Variants in DENND1B observed in about 807,000 individuals in gnomAD.
The protein encoded by DENND1B is DENN domain-containing protein 1B.
A neutral mutation model predicts 90.1 loss-of-function variants in DENND1B; 59 were observed. The observed-to-expected ratio is 0.65, with a 90% CI of 0.53 to 0.81. The LOEUF is 0.81. Among genes scored for constraint, DENND1B ranks in the 40% least tolerant of loss-of-function variants. The pLI is 0.00. For synonymous variants in DENND1B, 337 were observed against 324.6 expected (o/e 1.04, Z -0.41); for missense variants, 862 against 912.6 (o/e 0.94, Z 0.71).
chr1:197,534,159 A>G (rs1669712482), intron 20 of DENND1B, among the ~76,000 whole-genome samples: 1 of 152,090 alleles, frequency 6.6e-6, no homozygotes, highest in Non-Finnish European at 1.5e-5. Context: ...CTTTTAAAAG[A>G]ATTTGGATAC....
intron 2 of DENND1B, among the ~76,000 whole-genome samples, chr1:197,718,804 A>G (rs890733303): frequency 5.3e-5 from 8 of 152,142 alleles, no homozygotes; most frequent in African/African-American, 1.7e-4. Context: ...AATACCTTTT[A>G]GAAACTGAAA....
intron 1 of DENND1B, among the ~76,000 whole-genome samples, chr1:197,773,344 T>G (rs1656858914): frequency 6.6e-6 from 1 of 152,236 alleles, no homozygotes; most frequent in Admixed American, 6.5e-5. Context: ...CATTATACCC[T>G]GCCAACAGAG....
intron 20 of DENND1B, among the ~76,000 whole-genome samples, chr1:197,523,934 C>A (rs1668957069): frequency 8.2e-6 from 1 of 122,410 alleles, no homozygotes; most frequent in South Asian, 3.2e-4. Context: ...GGAACGATAG[C>A]AGAGAAATGG....
chr1:197,644,237 A>G (rs967711915), intron 9 of DENND1B, among the ~76,000 whole-genome samples: 12 of 152,346 alleles, frequency 7.9e-5, no homozygotes, highest in African/African-American at 2.9e-4. Flanking sequence ...ATTTCTCAGC[A>G]TAGAGTGCTG....
chr1:197,600,981 C>T (rs755185143), intron 13 of DENND1B, among the ~76,000 whole-genome samples: 10 of 151,562 alleles, frequency 6.6e-5, no homozygotes, highest in Non-Finnish European at 1.2e-4. Context: ...CAGAGACACA[C>T]ATGGTTTTTT....
At chr1:197,645,103 A>G (rs1213880338) in intron 9 of DENND1B, among the ~76,000 whole-genome samples, 1 of 152,128 alleles carries the variant, frequency 6.6e-6, no homozygotes, top group Non-Finnish European at 1.5e-5. Context: ...TAGTTCTAGT[A>G]TGGCTAGAAT....
chr1:197,539,308 A>T (rs751461539), intron 20 of DENND1B, among the ~76,000 whole-genome samples: 2 of 152,196 alleles, frequency 1.3e-5, no homozygotes, highest in Non-Finnish European at 2.9e-5. Flanking sequence ...GTAATTTTGT[A>T]GCTACAGTCC....
At chr1:197,581,389 C>A (rs1001424099) in intron 15 of DENND1B, among the ~76,000 whole-genome samples, 3 of 152,102 alleles carry the variant, frequency 2.0e-5, no homozygotes, top group Admixed American at 6.5e-5. Flanking sequence ...ATTTAACGTC[C>A]TTGAACAAAC....
chr1:197,651,233 T>G (rs1043221279), intron 7 of DENND1B, among the ~76,000 whole-genome samples: 2 of 152,042 alleles, frequency 1.3e-5, no homozygotes, highest in African/African-American at 4.8e-5. Flanking sequence ...AAATAAATTT[T>G]AATAGTCTAG....
chr1:197,706,958 CAA>C (rs1659597692), intron 3 of DENND1B, among the ~76,000 whole-genome samples: 1 of 151,824 alleles, frequency 6.6e-6, no homozygotes, highest in African/African-American at 2.4e-5. Context: ...ATCAGTATAC[CAA>C]AGAGATACAT....
At position 197,545,055 on chromosome 1, in the gene DENND1B, A is replaced by G. The variant is rs200325027; in HGVS notation, c.1350+867T>C. Among the ~76,000 whole-genome samples the G allele has an allele frequency of 2.3e-3, 30 of 12,926 alleles. No homozygotes were observed. The East Asian group carries it at 0.025, about 11-fold the overall frequency. 8.5% of individuals were successfully genotyped at this position (12,926 alleles called of 152,430 possible). A position where few individuals can be genotyped will look rare whatever the true frequency, so the allele number is the denominator to read the frequency against. Reference sequence around the variant, plus strand: ...GGAGAAGGAGAAGGAGAAGGAGAAGAAGAAGAAGAAGAAGAATTCCAAGAA... The same window carrying G: ...GGAGAAGGAGAAGGAGAAGGAGAAGGAGAAGAAGAAGAAGAATTCCAAGAA... On this transcript the variant is annotated intron_variant, in intron 18 of 22. Transcript: ENST00000620048.
intron 5 of DENND1B, among the ~76,000 whole-genome samples, chr1:197,658,916 T>G (rs535655219): frequency 6.6e-6 from 1 of 151,016 alleles, no homozygotes; most frequent in East Asian, 2.0e-4. Flanking sequence ...AAACCAAATA[T>G]AATTCAAAAT....
intron 6 of DENND1B, 84 bp from the exon 7 acceptor site, chr1:197,652,399 T>C: frequency 9.5e-7 from 1 of 1,050,662 alleles, no homozygotes; most frequent in Non-Finnish European, 1.4e-6. Flanking sequence ...AATAATCTAC[T>C]ATGGCTTTTC....
At chr1:197,649,181 GA>G (rs1343136486) in intron 7 of DENND1B, among the ~76,000 whole-genome samples, 54 of 152,186 alleles carry the variant, frequency 3.5e-4, no homozygotes, top group African/African-American at 1.3e-3. Context: ...AAAACAATGT[GA>G]CCAGAATAGA....
intron 2 of DENND1B, among the ~76,000 whole-genome samples, chr1:197,749,389 C>T (rs1571606553): frequency 6.6e-6 from 1 of 151,350 alleles, no homozygotes; most frequent in Non-Finnish European, 1.5e-5. Context: ...AAAGGGAAAA[C>T]CTTAAAAGCA....
At chr1:197,544,408 T>C (rs1670562271) in intron 18 of DENND1B, among the ~76,000 whole-genome samples, 1 of 152,132 alleles carries the variant, frequency 6.6e-6, no homozygotes, top group Non-Finnish European at 1.5e-5. Flanking sequence ...TCTTCAGAGA[T>C]ATGGAACGTT....
intron 2 of DENND1B, chr1:197,735,198 TA>T: frequency 9.7e-7 from 1 of 1,029,068 alleles, no homozygotes; most frequent in Non-Finnish European, 1.2e-6. Flanking sequence ...CCAACATGCC[TA>T]CCATTGAGTA....
At position 197,645,699 on chromosome 1, in the gene DENND1B, T is replaced by C; in HGVS notation, c.552A>G (p.Ile184Met). The change falls in exon 9 of 23, where the codon ATA becomes ATG. Residue 184 changes from isoleucine to methionine, a missense_variant. Ile to Met is a conservative substitution (Grantham distance 10, BLOSUM62 1). Coordinates refer to ENST00000620048, the MANE Select transcript of DENND1B (RefSeq NM_001195215.2). ...IAPDVTGLPT[I>M]PESRNLTEYF... ...AAAATAGGAAACTTACACTCTCGGG[T>C]ATTGTTGGGAGTCCAGTTACATCAG... 2 of 1,558,314 alleles carry C rather than the reference T, an allele frequency of 1.3e-6. No homozygotes were observed. Among genetic ancestry groups the C allele is most frequent in the Non-Finnish European group, 1.7e-6 (2 of 1,151,314 alleles).
At chr1:197,781,920 C>T in the DENND1B span, among the ~76,000 whole-genome samples, 1 of 152,130 alleles carries the variant, frequency 6.6e-6, no homozygotes, top group Non-Finnish European at 1.5e-5. Flanking sequence ...AAAAATAATA[C>T]AGCACAGCAA....
Sources: gnomAD v4.1 joint callset for allele counts (sites outside exome capture counted in the v4.1 genomes callset) on GRCh38, gnomAD v4.1.1 for gene constraint, MANE v1.5 for transcripts, NCBI Gene and HGNC (gene_info 2026-07-23, HGNC 2026-07-21) for gene names.